Variants in PTPRD observed in about 807,000 individuals in gnomAD.
PTPRD encodes protein tyrosine phosphatase receptor type D, also known as receptor-type tyrosine-protein phosphatase delta.
Under a neutral mutation model 214.5 loss-of-function variants are expected in PTPRD, and 34 were observed. That is an observed-to-expected ratio of 0.16 (90% confidence interval 0.12 to 0.21). PTPRD has a LOEUF of 0.21. Among genes scored for constraint, PTPRD ranks in the 10% least tolerant of loss-of-function variants. The pLI is 1.00. For missense variants in PTPRD, 2,545 were observed against 2,398.7 expected (o/e 1.06, Z -1.27); for synonymous variants, 1,128 against 845.7 (o/e 1.33, Z -5.79).
At chr9:10,198,357 G>A (rs532273395) in intron 3 of PTPRD, among the ~76,000 whole-genome samples, 1 of 152,232 alleles carries the variant, frequency 6.6e-6, no homozygotes, top group South Asian at 2.1e-4. Flanking sequence ...TAGTGGTCAG[G>A]CATGAATGAT....
At chr9:9,585,220 T>G (rs1387022994) in intron 7 of PTPRD, among the ~76,000 whole-genome samples, 1 of 152,104 alleles carries the variant, frequency 6.6e-6, no homozygotes, top group Non-Finnish European at 1.5e-5. Flanking sequence ...CATGTTTATC[T>G]CAGTAGCAGA....
chr9:10,223,507 TAGG>T (rs2099578281), intron 3 of PTPRD, among the ~76,000 whole-genome samples: 1 of 151,520 alleles, frequency 6.6e-6, no homozygotes, highest in African/African-American at 2.4e-5. Flanking sequence ...TTACTAAAAA[TAGG>T]AGAAGTATCT....
intron 8 of PTPRD, among the ~76,000 whole-genome samples, chr9:9,425,442 A>G (rs2080478118): frequency 6.8e-6 from 1 of 146,934 alleles, no homozygotes; most frequent in African/African-American, 2.5e-5. Context: ...TATACATTAT[A>G]TAATTTATAA....
chr9:8,705,780 A>T (rs1484643304), intron 12 of PTPRD, among the ~76,000 whole-genome samples: 1 of 152,246 alleles, frequency 6.6e-6, no homozygotes, highest in African/African-American at 2.4e-5. Context: ...AGATTAAAAC[A>T]GTAGTAATAA....
At chr9:10,215,470 G>A (rs2099536992) in intron 3 of PTPRD, among the ~76,000 whole-genome samples, 1 of 152,096 alleles carries the variant, frequency 6.6e-6, no homozygotes, top group South Asian at 2.1e-4. Flanking sequence ...ATTTTAATAT[G>A]TATCAGGCCT....
chr9:9,753,357 T>C (rs534445119), intron 6 of PTPRD, among the ~76,000 whole-genome samples: 1 of 152,106 alleles, frequency 6.6e-6, no homozygotes, highest in South Asian at 2.1e-4. Context: ...AAGTGAATTA[T>C]AGCTGGACCC....
chr9:8,750,444 C>T (rs186471213), intron 11 of PTPRD, among the ~76,000 whole-genome samples: 12 of 151,704 alleles, frequency 7.9e-5, no homozygotes, highest in African/African-American at 2.7e-4. Flanking sequence ...AGGCATGAGC[C>T]ACCATGCCCG....
At chr9:9,048,941 A>C (rs2099679173) in intron 10 of PTPRD, among the ~76,000 whole-genome samples, 1 of 152,198 alleles carries the variant, frequency 6.6e-6, no homozygotes, top group Non-Finnish European at 1.5e-5. Flanking sequence ...ATATGCATCT[A>C]CTATGTACCC....
At chr9:10,611,575 C>T (rs1018573974) in intron 2 of PTPRD, among the ~76,000 whole-genome samples, 9 of 152,258 alleles carry the variant, frequency 5.9e-5, no homozygotes, top group Admixed American at 5.9e-4. Context: ...AATGCTACAG[C>T]TACTGACATG....
At chr9:9,453,112 T>C (rs574219937) in intron 8 of PTPRD, among the ~76,000 whole-genome samples, 38 of 151,098 alleles carry the variant, frequency 2.5e-4, no homozygotes, top group South Asian at 6.2e-4. Context: ...GGAATGGAAA[T>C]TAATATTGCT....
intron 5 of PTPRD, among the ~76,000 whole-genome samples, chr9:9,824,459 C>T (rs1166507058): frequency 2.0e-5 from 3 of 151,884 alleles, no homozygotes; most frequent in African/African-American, 7.2e-5. Flanking sequence ...GCTTTGTGTG[C>T]TTTATTACAT....
chr9:9,609,070 G>C (rs1487629964), intron 7 of PTPRD, among the ~76,000 whole-genome samples: 1 of 151,996 alleles, frequency 6.6e-6, no homozygotes, highest in Non-Finnish European at 1.5e-5. Context: ...ATAGATCTGT[G>C]AGTCTATATT....
chr9:10,532,985 G>A (rs1249794690), intron 2 of PTPRD, among the ~76,000 whole-genome samples: 1 of 152,048 alleles, frequency 6.6e-6, no homozygotes, highest in African/African-American at 2.4e-5. Context: ...AAGGCATTTG[G>A]ATCATAAGAG....
chr9:8,381,506 C>A (rs528391561), intron 37 of PTPRD, among the ~76,000 whole-genome samples: 1 of 152,170 alleles, frequency 6.6e-6, no homozygotes, highest in South Asian at 2.1e-4. Flanking sequence ...CTATTCCCAA[C>A]TGGCAGTCAG....
chr9:9,858,406 T>A (rs937766127), intron 5 of PTPRD, among the ~76,000 whole-genome samples: 1 of 152,214 alleles, frequency 6.6e-6, no homozygotes, highest in Admixed American at 6.5e-5. Context: ...GCTCTCAAAT[T>A]TGGTGCATAA....
intron 9 of PTPRD, among the ~76,000 whole-genome samples, chr9:9,367,794 C>T (rs1451742824): frequency 1.3e-5 from 2 of 151,630 alleles, no homozygotes; most frequent in Non-Finnish European, 3.0e-5. Flanking sequence ...CTGAGAAGCA[C>T]CAAATTGCTG....
chr9:10,476,758 C>A lies in PTPRD; in HGVS notation c.-600+135640G>T, dbSNP rs527627824. On this transcript the variant is annotated intron_variant, in intron 2 of 45. Coordinates refer to ENST00000381196, the MANE Select transcript of PTPRD (RefSeq NM_002839.4). Reference sequence around the variant, plus strand: ...AAACTACATTACAAGGCAACAGTAACCAAAACAGCATGGTACTGGTACAAA... The same window carrying A: ...AAACTACATTACAAGGCAACAGTAAACAAAACAGCATGGTACTGGTACAAA... Among the ~76,000 whole-genome samples, 4 of 152,216 alleles carry A rather than the reference C, an allele frequency of 2.6e-5. No individual in the cohort carries two copies. The South Asian group carries it at 6.2e-4, about 24-fold the overall frequency.
At chr9:10,099,095 T>A (rs1166230124) in intron 3 of PTPRD, among the ~76,000 whole-genome samples, 2 of 151,798 alleles carry the variant, frequency 1.3e-5, no homozygotes, top group East Asian at 3.9e-4. Flanking sequence ...ATGACATTGC[T>A]CTTGAGTTCC....
intron 3 of PTPRD, among the ~76,000 whole-genome samples, chr9:10,266,613 T>A (rs928199765): frequency 6.6e-6 from 1 of 152,138 alleles, no homozygotes; most frequent in Admixed American, 6.5e-5. Context: ...TTGTGCGGCA[T>A]GGGGTATGGA....
Sources: allele counts gnomAD v4.1 joint callset (sites outside exome capture counted in the v4.1 genomes callset), GRCh38; gene constraint gnomAD v4.1.1; transcripts MANE v1.5; gene names NCBI Gene and HGNC (gene_info 2026-07-23, HGNC 2026-07-21).